MTFR1: variants seen among roughly 807,000 people sequenced by gnomAD.
MTFR1 encodes the protein mitochondrial fission regulator 1.
A neutral mutation model predicts 38.8 loss-of-function variants in MTFR1; 28 were observed. That is an observed-to-expected ratio of 0.72 (90% CI 0.53 to 0.99). The LOEUF is 0.99. Ranked by LOEUF, MTFR1 falls within the 50% of genes least tolerant of loss-of-function variation. MTFR1 has a pLI of 0.00. For synonymous variants in MTFR1, 145 were observed against 137.0 expected, an observed-to-expected ratio of 1.06 and a Z score of -0.41; for missense variants, 358 against 395.5, an observed-to-expected ratio of 0.91 and a Z score of 0.81.
intron 1 of MTFR1, among the ~76,000 whole-genome samples, chr8:65,659,572 G>T (rs370243576): frequency 1.8e-4 from 27 of 152,308 alleles, no homozygotes; most frequent in East Asian, 1.7e-3. Context: ...AGGGGGACGT[G>T]AGGTACAGTG....
chr8:65,723,590 C>T, intron 3 of MTFR1: 2 of 1,581,300 alleles, frequency 1.3e-6, no homozygotes, highest in Non-Finnish European at 1.7e-6. Context: ...AAAGTGGACT[C>T]ACACCCAAAT....
intron 3 of MTFR1, among the ~76,000 whole-genome samples, chr8:65,684,189 C>T (rs753866207): frequency 4.0e-5 from 6 of 151,862 alleles, no homozygotes; most frequent in African/African-American, 1.2e-4. Context: ...TTCTTTTTCT[C>T]GATGTTATCA....
chr8:65,644,149 T>C (rs1258530335), upstream of MTFR1, among the ~76,000 whole-genome samples: 1 of 152,162 alleles, frequency 6.6e-6, no homozygotes, highest in Non-Finnish European at 1.5e-5. Flanking sequence ...AAATCCAGAG[T>C]GTCCTAGAGT....
intron 3 of MTFR1, among the ~76,000 whole-genome samples, chr8:65,736,278 C>T (rs183203356): frequency 2.0e-5 from 3 of 152,242 alleles, no homozygotes; most frequent in Admixed American, 1.3e-4. Flanking sequence ...GATTTCATCA[C>T]GCTGCTCACA....
At chr8:65,704,960 C>T in intron 5 of MTFR1, 31 bp downstream of exon 5, 1 of 1,511,986 alleles carries the variant, frequency 6.6e-7, no homozygotes, top group Non-Finnish European at 9.0e-7. Flanking sequence ...TTAGTTTTAA[C>T]TTGCAAACTA....
At chr8:65,682,997 T>G in intron 3 of MTFR1, 1 of 900,870 alleles carries the variant, frequency 1.1e-6, no homozygotes, top group Non-Finnish European at 1.3e-6. Context: ...TCAGGAGAAC[T>G]TTTGAAAGTC....
intron 3 of MTFR1, among the ~76,000 whole-genome samples, chr8:65,768,895 T>C (rs1808933145): frequency 6.6e-6 from 1 of 152,120 alleles, no homozygotes; most frequent in South Asian, 2.1e-4. Flanking sequence ...AGAAAACTTC[T>C]TTAGTGACAG....
At chr8:65,707,551 G>A (rs1413869058) in intron 6 of MTFR1, among the ~76,000 whole-genome samples, 4 of 152,206 alleles carry the variant, frequency 2.6e-5, no homozygotes, top group African/African-American at 9.7e-5. Flanking sequence ...GGCGTGCTGT[G>A]TACCACTAGC....
intron 3 of MTFR1, chr8:65,747,755 A>G: frequency 6.2e-7 from 1 of 1,609,782 alleles, no homozygotes; most frequent in Non-Finnish European, 8.5e-7. Flanking sequence ...GAAACTTAGT[A>G]GCCTTCTGAT....
intron 1 of MTFR1, among the ~76,000 whole-genome samples, chr8:65,653,683 C>T (rs1328747620): frequency 1.3e-5 from 2 of 152,114 alleles, no homozygotes; most frequent in African/African-American, 4.8e-5. Context: ...TTATTATTTA[C>T]TTAGATGGTC....
At chr8:65,713,527 AT>A, downstream of MTFR1, among the ~76,000 whole-genome samples, 1 of 151,600 alleles carries the variant, frequency 6.6e-6, no homozygotes, top group Middle Eastern at 3.4e-3. Context: ...TTCCCCCACC[AT>A]CCTATCAGAC....
chr8:65,719,642 A>G, intron 3 of MTFR1: 1 of 626,786 alleles, frequency 1.6e-6, no homozygotes, highest in South Asian at 1.9e-5. Context: ...TGTGTAGGTG[A>G]CAGAGTCTGT....
downstream of MTFR1, among the ~76,000 whole-genome samples, chr8:65,711,557 C>T (rs1006762596): frequency 3.3e-5 from 5 of 152,162 alleles, no homozygotes; most frequent in African/African-American, 1.2e-4. Flanking sequence ...TTTCTGTGTC[C>T]TCTTTCCCTT....
intron 3 of MTFR1, chr8:65,724,411 A>G (rs1806523653): frequency 9.0e-7 from 1 of 1,105,988 alleles, no homozygotes; most frequent in African/African-American, 1.5e-5. Flanking sequence ...ATAATACCAA[A>G]GAACCAAGTG....
chr8:65,766,964 A>C (rs1808818993), intron 3 of MTFR1, among the ~76,000 whole-genome samples: 3 of 152,068 alleles, frequency 2.0e-5, no homozygotes, highest in Non-Finnish European at 4.4e-5. Flanking sequence ...CAACATTTTC[A>C]GTTTAAATAT....
rs1330935960 is a variant in MTFR1 at position 65,730,180 on chromosome 8, T to C, written c.*48+10699T>C. ...TCCAGGTTGCGCACTTCTTTTTTTT[T>C]TTTTTTTTTTTTTTTTTGAGATGGA... is the stretch of plus-strand genomic sequence containing the variant. On this transcript the variant is annotated intron_variant, in intron 3 of 3. Coordinates refer to the MTFR1 transcript ENST00000521247. Among the ~76,000 whole-genome samples the C allele has an allele frequency of 7.2e-3, 858 of 119,756 alleles. 23 individuals carry two copies. Among genetic ancestry groups the C allele is most frequent in the Non-Finnish European group, 0.01 (548 of 54,438 alleles). The allele number at this position is 119,756 out of a possible 152,430, so 78.6% of individuals were successfully genotyped here.
chr8:65,724,698 T>C, intron 3 of MTFR1: 1 of 1,243,164 alleles, frequency 8.0e-7, no homozygotes, highest in Non-Finnish European at 1.1e-6. Flanking sequence ...TCTGAAAAAC[T>C]ACACTAGAAT....
At chr8:65,695,986 G>A (rs937559526) in intron 4 of MTFR1, among the ~76,000 whole-genome samples, 10 of 152,100 alleles carry the variant, frequency 6.6e-5, no homozygotes, top group Admixed American at 5.9e-4. Context: ...AGAGCTAAGC[G>A]GCAGGAGAAG....
chr8:65,711,276 A>G (rs1006508924), downstream of MTFR1, among the ~76,000 whole-genome samples: 4 of 152,186 alleles, frequency 2.6e-5, no homozygotes, highest in Admixed American at 6.5e-5. Context: ...GCCCTTCTAC[A>G]TAAGACTTGT....
Sources: allele counts gnomAD v4.1 joint callset (sites outside exome capture counted in the v4.1 genomes callset), GRCh38; gene constraint gnomAD v4.1.1; transcripts MANE v1.5; gene names NCBI Gene and HGNC (gene_info 2026-07-23, HGNC 2026-07-21).